The following PDE1A variants were observed in gnomAD, a reference collection of about 807,000 sequenced individuals.
The protein encoded by PDE1A is phosphodiesterase 1A, also known as dual specificity calcium/calmodulin-dependent 3',5'-cyclic nucleotide phosphodiesterase 1A.
A neutral mutation model predicts 61.7 loss-of-function variants in PDE1A; 35 were observed. The ratio of observed to expected loss-of-function variants is 0.57; its 90% CI spans 0.43 to 0.75. PDE1A has a LOEUF of 0.75. PDE1A is among the 30% of genes least tolerant of loss of function. PDE1A has a pLI of 0.00. For missense variants in PDE1A, 597 were observed against 630.6 expected (o/e 0.95, Z 0.57); for synonymous variants, 232 against 213.2 (o/e 1.09, Z -0.77).
In PDE1A at chr2:182,508,512, G is replaced by A. The variant is rs182915223; in HGVS notation, c.101+13764C>T. Among the ~76,000 whole-genome samples the A allele has an allele frequency of 5.8e-3, 877 of 151,662 alleles. 1 individual carries two copies. The highest frequency in any genetic ancestry group is 0.01 in the Middle Eastern group (3 of 294). Reference sequence around the variant, plus strand: ...CTGGCATGTGGAGTAATTCATTTATGTTTTCTAAGCAAAAGTTCTCTACGT... The same window carrying A: ...CTGGCATGTGGAGTAATTCATTTATATTTTCTAAGCAAAAGTTCTCTACGT... On this transcript the variant is annotated intron_variant, in intron 2 of 14. Transcript: ENST00000410103.
At chr2:182,379,687 G>C (rs13035314) in intron 1 of PDE1A, among the ~76,000 whole-genome samples, 2,384 of 152,262 alleles carry the variant, frequency 0.016, 27 homozygotes, top group South Asian at 0.026. Flanking sequence ...CCTCACTTCA[G>C]TATTCCATCT....
intron 2 of PDE1A, among the ~76,000 whole-genome samples, chr2:182,254,365 A>G (rs10204911): frequency 0.048 from 7,246 of 152,268 alleles, 525 homozygotes; most frequent in African/African-American, 0.16. Flanking sequence ...TGGAATTCAG[A>G]AAAATCATTA....
intron 1 of PDE1A, among the ~76,000 whole-genome samples, chr2:182,362,495 G>A (rs11894978): frequency 0.1 from 15,189 of 151,986 alleles, 1,788 homozygotes; most frequent in African/African-American, 0.27. Context: ...GGCTGAGAGG[G>A]TTCCCAGGAC....
intron 1 of PDE1A, among the ~76,000 whole-genome samples, chr2:182,404,589 C>A (rs956576162): frequency 6.6e-6 from 1 of 152,068 alleles, no homozygotes; most frequent in Non-Finnish European, 1.5e-5. Context: ...AAAATATTTT[C>A]TTTCTTTATG....
intron 1 of PDE1A, among the ~76,000 whole-genome samples, chr2:182,286,055 T>C (rs1219085144): frequency 6.6e-6 from 1 of 152,158 alleles, no homozygotes; most frequent in African/African-American, 2.4e-5. Flanking sequence ...TGAAGTAATA[T>C]ATGTGAAGTG....
intron 13 of PDE1A, among the ~76,000 whole-genome samples, chr2:182,149,220 G>T (rs6733603): frequency 0.35 from 52,886 of 151,810 alleles, 9,386 homozygotes; most frequent in East Asian, 0.59. Context: ...ATTTTTTAGA[G>T]AACTTTTTAT....
intron 1 of PDE1A, among the ~76,000 whole-genome samples, chr2:182,288,404 G>A (rs1002873997): frequency 6.6e-6 from 1 of 152,082 alleles, no homozygotes; most frequent in Non-Finnish European, 1.5e-5. Flanking sequence ...GCAGTCAACA[G>A]GTTCGTCTAT....
intron 1 of PDE1A, among the ~76,000 whole-genome samples, chr2:182,338,814 G>A (rs1224990762): frequency 6.6e-6 from 1 of 152,148 alleles, no homozygotes; most frequent in Non-Finnish European, 1.5e-5. Flanking sequence ...GACCCGCTGT[G>A]CCCAGCCGGT....
chr2:182,412,737 G>A (rs1294000863), intron 1 of PDE1A, among the ~76,000 whole-genome samples: 1 of 152,108 alleles, frequency 6.6e-6, no homozygotes, highest in Non-Finnish European at 1.5e-5. Context: ...AGTTACACTA[G>A]ATACAAGGTT....
At chr2:182,593,395 G>A in the PDE1A span, among the ~76,000 whole-genome samples, 3 of 152,170 alleles carry the variant, frequency 2.0e-5, no homozygotes, top group African/African-American at 7.2e-5. Context: ...GAAGAGCACT[G>A]CAGTTGAACC....
the PDE1A span, among the ~76,000 whole-genome samples, chr2:182,578,356 C>T: frequency 6.6e-6 from 1 of 152,062 alleles, no homozygotes; most frequent in South Asian, 2.1e-4. Context: ...GAGTTTCTTA[C>T]AAATTTTATT....
intron 7 of PDE1A, among the ~76,000 whole-genome samples, chr2:182,221,681 G>A (rs948693768): frequency 6.6e-6 from 1 of 151,846 alleles, no homozygotes. Context: ...TCCATCAAGG[G>A]GCTACAATGT....
At chr2:182,531,021 T>C in the PDE1A span, among the ~76,000 whole-genome samples, 2 of 152,056 alleles carry the variant, frequency 1.3e-5, no homozygotes, top group African/African-American at 4.8e-5. Flanking sequence ...AGGTGAGAGT[T>C]CTATACTTCT....
intron 4 of PDE1A, among the ~76,000 whole-genome samples, chr2:182,232,780 T>C (rs759758196): frequency 6.6e-6 from 1 of 152,228 alleles, no homozygotes; most frequent in Non-Finnish European, 1.5e-5. Context: ...AAGAGTTAGT[T>C]CAGACTCTTA....
At chr2:182,627,376 A>C in the PDE1A span, among the ~76,000 whole-genome samples, 1 of 122,138 alleles carries the variant, frequency 8.2e-6, no homozygotes, top group Non-Finnish European at 1.6e-5. Flanking sequence ...TTTAATATTT[A>C]TTATATAATA....
intron 2 of PDE1A, among the ~76,000 whole-genome samples, chr2:182,247,046 A>G (rs993560627): frequency 6.6e-6 from 1 of 152,228 alleles, no homozygotes; most frequent in African/African-American, 2.4e-5. Context: ...TGATTGATAT[A>G]ATCAAATTTA....
chr2:182,545,453 C>CT, the PDE1A span, among the ~76,000 whole-genome samples: 1 of 152,224 alleles, frequency 6.6e-6, no homozygotes. Flanking sequence ...CAAATTCTCT[C>CT]TAATAAATTC....
the PDE1A span, among the ~76,000 whole-genome samples, chr2:182,684,675 C>A: frequency 6.6e-6 from 1 of 152,208 alleles, no homozygotes; most frequent in East Asian, 1.9e-4. Context: ...CTCAGCCTCC[C>A]GAGCAGCTGG....
intron 1 of PDE1A, among the ~76,000 whole-genome samples, chr2:182,274,384 T>A (rs1693253841): frequency 6.6e-6 from 1 of 152,106 alleles, no homozygotes; most frequent in South Asian, 2.1e-4. Flanking sequence ...AAAGTCAACA[T>A]GATATTTTTC....
Sources: allele counts gnomAD v4.1 joint callset (sites outside exome capture counted in the v4.1 genomes callset), GRCh38; gene constraint gnomAD v4.1.1; transcripts MANE v1.5; gene names NCBI Gene and HGNC (gene_info 2026-07-23, HGNC 2026-07-21).